BCAS3: variants seen among roughly 807,000 people sequenced by gnomAD.
BCAS3 encodes the protein BCAS3 microtubule associated cell migration factor.
A neutral mutation model predicts 116.1 loss-of-function variants in BCAS3; 53 were observed. The ratio of observed to expected loss-of-function variants is 0.46; its 90% CI spans 0.37 to 0.57. BCAS3 has a LOEUF of 0.57. Among genes scored for constraint, BCAS3 ranks in the 20% least tolerant of loss-of-function variants. The probability of loss-of-function intolerance (pLI) is 0.00; values close to 1 mark genes in which losing one functional copy is unlikely to be tolerated. For missense variants in BCAS3, 917 were observed against 1,165.4 expected, an observed-to-expected ratio of 0.79 and a Z score of 3.10; for synonymous variants, 391 against 408.2, an observed-to-expected ratio of 0.96 and a Z score of 0.51.
chr17:60,998,505 C>T (rs888160079), intron 15 of BCAS3, among the ~76,000 whole-genome samples: 3 of 152,200 alleles, frequency 2.0e-5, no homozygotes, highest in African/African-American at 7.2e-5. Context: ...GCCTCACCAA[C>T]ATCTGTTGTT....
rs547279416 is a variant in BCAS3, at chr17:61,332,834, T to C, written c.2426-35493T>C. Reference sequence around the variant, plus strand: ...TTTCACCATGTTAGCCAGGCTGGTCTCAAACTCCTGACCTCAGGTGATCTG... The same window carrying C: ...TTTCACCATGTTAGCCAGGCTGGTCCCAAACTCCTGACCTCAGGTGATCTG... On this transcript the variant is annotated intron_variant, in intron 22 of 23. Coordinates refer to ENST00000407086, the MANE Select transcript of BCAS3 (RefSeq NM_017679.5). The surrounding 1 kb of genome is among the most constrained non-coding windows in gnomAD (Gnocchi z 5.4). Among the ~76,000 whole-genome samples the C allele has an allele frequency of 1.3e-5, 2 of 152,318 alleles. No homozygotes were observed. Among genetic ancestry groups the C allele is most frequent in the East Asian group, 3.9e-4 (2 of 5,176 alleles).
In BCAS3 at chr17:61,333,591, G is replaced by A. The variant is rs952896202; in HGVS notation, c.2426-34736G>A. Among the ~76,000 whole-genome samples the A allele has an allele frequency of 6.6e-6, 1 of 151,786 alleles. No homozygotes were observed. Among genetic ancestry groups the A allele is most frequent in the African/African-American group, 2.4e-5 (1 of 41,288 alleles). On this transcript the variant is annotated intron_variant, in intron 22 of 23. Transcript: ENST00000407086. The surrounding 1 kb of genome is among the most constrained non-coding windows in gnomAD (Gnocchi z 4.8). Reference sequence around the variant, plus strand: ...TCTTGCCCACTAAACTAGCACTAGAGCTTTATCAAGTTCTTGAAACTTTCT... The same window carrying A: ...TCTTGCCCACTAAACTAGCACTAGAACTTTATCAAGTTCTTGAAACTTTCT...
At position 61,332,171 on chromosome 17, in the gene BCAS3, G is replaced by C. The variant is rs1163263672; in HGVS notation, c.2426-36156G>C. 6.6e-6 allele frequency among the ~76,000 whole-genome samples: 1 copy of C among 152,194 alleles called. No individual in the cohort carries two copies. The highest frequency in any genetic ancestry group is 1.5e-5 in the Non-Finnish European group (1 of 68,034). On this transcript the variant is annotated intron_variant, in intron 22 of 23. Coordinates refer to ENST00000407086, the MANE Select transcript of BCAS3 (RefSeq NM_017679.5). This position sits in a 1 kb window ranked among gnomAD's most constrained non-coding sequence, Gnocchi z 5.4. ...GGGCTCCTCTCTCTGGAAAGGCTCT[G>C]CAGAGAGACACCTGGATGGCTTCTC...
rs2076787933 is a variant in BCAS3, at chr17:61,139,018, T to G, written c.2425+54454T>G. Among the ~76,000 whole-genome samples the G allele has an allele frequency of 6.6e-6, 1 of 152,226 alleles. No homozygotes were observed. ...CTTCAAGTTATTTTTAAACCCACTT[T>G]ATGCTTTTGCTTACATTTGTTTATT... On this transcript the variant is annotated intron_variant, in intron 22 of 23. Transcript: ENST00000407086. The surrounding 1 kb of genome is among the most constrained non-coding windows in gnomAD (Gnocchi z 4.7).
At chr17:60,937,234 T>G (rs2059981835) in intron 13 of BCAS3, among the ~76,000 whole-genome samples, 1 of 151,058 alleles carries the variant, frequency 6.6e-6, no homozygotes, top group Non-Finnish European at 1.5e-5. Flanking sequence ...ATATATCTGT[T>G]TTTTTTTTAT....
At chr17:60,763,954 T>C (rs1465727650) in intron 6 of BCAS3, among the ~76,000 whole-genome samples, 1 of 152,182 alleles carries the variant, frequency 6.6e-6, no homozygotes, top group Non-Finnish European at 1.5e-5. Flanking sequence ...AATTTATCCA[T>C]TTTTTCTAGA....
intron 14 of BCAS3, among the ~76,000 whole-genome samples, chr17:60,974,360 ATTTT>A (rs921574939): frequency 4.6e-5 from 7 of 152,254 alleles, no homozygotes; most frequent in Admixed American, 4.6e-4. Context: ...TTGTGAATTA[ATTTT>A]TTTAAGTTTT....
intron 5 of BCAS3, among the ~76,000 whole-genome samples, chr17:60,731,772 A>G (rs904482965): frequency 7.1e-6 from 1 of 141,404 alleles, no homozygotes; most frequent in East Asian, 2.0e-4. Context: ...TCCGCTTATC[A>G]CCCTCCTATT....
chr17:60,680,026 C>T (rs1358191728), intron 2 of BCAS3, among the ~76,000 whole-genome samples: 2 of 148,920 alleles, frequency 1.3e-5, no homozygotes, highest in African/African-American at 2.5e-5. Context: ...CCCAGCTACT[C>T]GGGAGGCTGA....
chr17:61,338,618 G>T (rs1031886207), intron 22 of BCAS3, among the ~76,000 whole-genome samples: 1 of 152,168 alleles, frequency 6.6e-6, no homozygotes, highest in Admixed American at 6.5e-5. Flanking sequence ...AGTGGAGGTA[G>T]GGGCTTTTGG....
rs1257874068 is a variant in BCAS3, at chr17:61,313,535, C to G, written c.2426-54792C>G. 6.6e-6 allele frequency among the ~76,000 whole-genome samples: 1 copy of G among 152,160 alleles called. No homozygotes were observed. The highest frequency in any genetic ancestry group is 6.6e-5 in the Admixed American group (1 of 15,266). On this transcript the variant is annotated intron_variant, in intron 22 of 23. Transcript: ENST00000407086. This position sits in a 1 kb window ranked among gnomAD's most constrained non-coding sequence, Gnocchi z 4.3. ...TACCAGAATAACCCCACAGGAGAGG[C>G]CTGGCTGAACGGGGATTTGTGTGGG...
chr17:61,212,348 C>A (rs1312520606), intron 22 of BCAS3, among the ~76,000 whole-genome samples: 3 of 152,148 alleles, frequency 2.0e-5, no homozygotes, highest in African/African-American at 7.2e-5. Flanking sequence ...AGTGATCCTC[C>A]ATCCTCAGCC....
chr17:61,056,921 A>C lies in BCAS3; in HGVS notation c.2029+16029A>C, dbSNP rs1011653833. Among the ~76,000 whole-genome samples, 1 of 152,200 alleles carries C rather than the reference A, an allele frequency of 6.6e-6. No individual in the cohort carries two copies. The highest frequency in any genetic ancestry group is 2.4e-5 in the African/African-American group (1 of 41,446). On this transcript the variant is annotated intron_variant, in intron 19 of 23. Coordinates refer to ENST00000407086, the MANE Select transcript of BCAS3 (RefSeq NM_017679.5). The surrounding 1 kb of genome is among the most constrained non-coding windows in gnomAD (Gnocchi z 4.9). Reference sequence around the variant, plus strand: ...ATTAATATATTAACTGGATTATAGCACTGTTTGACAAATTGCTCACTAAAT... The same window carrying C: ...ATTAATATATTAACTGGATTATAGCCCTGTTTGACAAATTGCTCACTAAAT...
chr17:61,286,849 T>C lies in BCAS3; in HGVS notation c.2426-81478T>C, dbSNP rs1224962594. On this transcript the variant is annotated intron_variant, in intron 22 of 23. Coordinates refer to ENST00000407086, the MANE Select transcript of BCAS3 (RefSeq NM_017679.5). The surrounding 1 kb of genome is among the most constrained non-coding windows in gnomAD (Gnocchi z 4.8). ...GACAGAGAATGCTTTCTAGGACCTTTATACTGCATTCATTCATTTATTCAT... is the reference window on the plus strand; with the variant it reads ...GACAGAGAATGCTTTCTAGGACCTTCATACTGCATTCATTCATTTATTCAT... Among the ~76,000 whole-genome samples the C allele has an allele frequency of 6.6e-6, 1 of 152,192 alleles. No homozygotes were observed. The highest frequency in any genetic ancestry group is 1.5e-5 in the Non-Finnish European group (1 of 68,034).
In BCAS3 at chr17:61,357,442, A is replaced by T. The variant is rs533200627; in HGVS notation, c.2426-10885A>T. Among the ~76,000 whole-genome samples, 810 of 148,454 alleles carry T rather than the reference A, an allele frequency of 5.5e-3. 3 individuals are homozygous for T. The highest frequency in any genetic ancestry group is 6.9e-3 in the African/African-American group (284 of 40,960). On this transcript the variant is annotated intron_variant, in intron 22 of 23. Transcript: ENST00000407086. ...GAGATCCTCTCTCTAAAAAAAAAAA[A>T]TTTTTATTTTTTTTTTTTTTGAAAC...
chr17:60,784,822 G>A (rs1290058110), intron 6 of BCAS3, among the ~76,000 whole-genome samples: 3 of 151,820 alleles, frequency 2.0e-5, no homozygotes, highest in Non-Finnish European at 4.4e-5. Flanking sequence ...TAGGCCAGGC[G>A]CAGTGGCTCA....
chr17:61,041,536 G>T lies in BCAS3; in HGVS notation c.2029+644G>T, dbSNP rs182220026. On this transcript the variant is annotated intron_variant, in intron 19 of 23. Transcript: ENST00000407086. The surrounding 1 kb of genome is among the most constrained non-coding windows in gnomAD (Gnocchi z 4.7). ...TTATTTACAATTATAATTCAGTTTT[G>T]TAGATATAGACAGAATCCTTAATTT... Among the ~76,000 whole-genome samples, 2 of 152,102 alleles carry T rather than the reference G, an allele frequency of 1.3e-5. No homozygotes were observed. Among genetic ancestry groups the T allele is most frequent in the East Asian group, 1.9e-4 (1 of 5,190 alleles).
chr17:60,971,352 ACT>A (rs1371504079), intron 14 of BCAS3, among the ~76,000 whole-genome samples: 8 of 152,100 alleles, frequency 5.3e-5, no homozygotes, highest in Non-Finnish European at 1.2e-4. Flanking sequence ...AGTATCTTTG[ACT>A]CTGCATTCCA....
chr17:60,839,852 T>C (rs2144755405), intron 7 of BCAS3, among the ~76,000 whole-genome samples: 1 of 152,326 alleles, frequency 6.6e-6, no homozygotes, highest in South Asian at 2.1e-4. Context: ...CACTTATACA[T>C]GCACATTCTT....
Sources: allele counts gnomAD v4.1 joint callset (sites outside exome capture counted in the v4.1 genomes callset), GRCh38; gene constraint gnomAD v4.1.1; non-coding constraint Gnocchi (gnomAD v3.1); transcripts MANE v1.5; gene names NCBI Gene and HGNC (gene_info 2026-07-23, HGNC 2026-07-21).